The following CNTN5 variants were observed in gnomAD, a reference collection of about 807,000 sequenced individuals.
CNTN5 encodes the protein contactin-5.
In CNTN5, 77 loss-of-function variants were observed where a neutral mutation model predicts 129.1. The ratio of observed to expected loss-of-function variants is 0.60; its 90% CI spans 0.50 to 0.72. The LOEUF is 0.72. Among genes scored for constraint, CNTN5 ranks in the 30% least tolerant of loss-of-function variants. The pLI, the probability that CNTN5 is intolerant of heterozygous loss-of-function variation, is 0.00. For missense variants in CNTN5, 1,478 were observed against 1,328.8 expected, an observed-to-expected ratio of 1.11 and a Z score of -1.75; for synonymous variants, 509 against 465.6, an observed-to-expected ratio of 1.09 and a Z score of -1.20.
At position 100,304,049 on chromosome 11, in the gene CNTN5, T is replaced by A. The variant is rs555891656; in HGVS notation, c.2621-4310T>A. On this transcript the variant is annotated intron_variant, in intron 20 of 24. Transcript: ENST00000524871. ...TGGAAAGTCAGATGTATAATCAATA[T>A]TACAAGCACATACCCCCATATTACA... 2.0e-5 allele frequency among the ~76,000 whole-genome samples: 3 copies of A among 151,716 alleles called. No homozygotes were observed. In the South Asian group the frequency reaches 6.2e-4, roughly 31 times the overall value.
chr11:100,342,184 A>ACAC (rs1952179707), intron 23 of CNTN5, among the ~76,000 whole-genome samples: 1 of 77,578 alleles, frequency 1.3e-5, no homozygotes, highest in African/African-American at 6.6e-5. Flanking sequence ...CACACACACA[A>ACAC]GTCCATCAGT....
intron 3 of CNTN5, among the ~76,000 whole-genome samples, chr11:99,667,021 ATAAT>A (rs1952820386): frequency 6.6e-6 from 1 of 151,954 alleles, no homozygotes. Flanking sequence ...AATAATTAGA[ATAAT>A]TATTAGTATC....
At chr11:99,282,271 C>A in intron 1 of CNTN5, among the ~76,000 whole-genome samples, 1 of 151,890 alleles carries the variant, frequency 6.6e-6, no homozygotes, top group East Asian at 1.9e-4. Flanking sequence ...GGACAATAAG[C>A]TATTATGACA....
chr11:99,371,144 T>C (rs1939796241), intron 2 of CNTN5, among the ~76,000 whole-genome samples: 1 of 152,192 alleles, frequency 6.6e-6, no homozygotes, highest in African/African-American at 2.4e-5. Context: ...CACATATAGA[T>C]CCTTACCTAG....
intron 6 of CNTN5, among the ~76,000 whole-genome samples, chr11:99,871,595 T>C (rs180840418): frequency 5.3e-5 from 8 of 152,070 alleles, no homozygotes; most frequent in Non-Finnish European, 1.0e-4. Context: ...GTGATTTATA[T>C]ACATTTATGG....
At chr11:99,915,257 T>C (rs1949758212) in intron 6 of CNTN5, among the ~76,000 whole-genome samples, 1 of 152,108 alleles carries the variant, frequency 6.6e-6, no homozygotes, top group Admixed American at 6.6e-5. Flanking sequence ...AGTACTGAGA[T>C]ATAAATAGTT....
intron 3 of CNTN5, among the ~76,000 whole-genome samples, chr11:99,805,705 A>T (rs940141359): frequency 2.0e-5 from 3 of 152,218 alleles, no homozygotes. Context: ...TTGGCTAAAC[A>T]TGCTAGCAAG....
At chr11:99,320,858 G>T (rs896023862) in intron 1 of CNTN5, among the ~76,000 whole-genome samples, 3 of 152,088 alleles carry the variant, frequency 2.0e-5, no homozygotes, top group African/African-American at 7.2e-5. Flanking sequence ...AGTGTTTCTT[G>T]ATGAGGTGAA....
intron 8 of CNTN5, 75 bp from the exon 9 acceptor site, chr11:100,001,959 A>C: frequency 1.9e-6 from 2 of 1,047,210 alleles, no homozygotes; most frequent in Non-Finnish European, 2.8e-6. Context: ...AGTGATTTTC[A>C]ATGTAACATC....
chr11:100,040,685 C>T (rs757526265), intron 9 of CNTN5, among the ~76,000 whole-genome samples: 1 of 152,186 alleles, frequency 6.6e-6, no homozygotes, highest in Non-Finnish European at 1.5e-5. Context: ...GTGGGCGCCC[C>T]TCCCCCAGCC....
chr11:99,114,935 T>TG (rs1299067401), intron 1 of CNTN5, among the ~76,000 whole-genome samples: 2 of 152,184 alleles, frequency 1.3e-5, no homozygotes, highest in Admixed American at 1.3e-4. Flanking sequence ...GGAAGGTGAT[T>TG]GGACCATAAA....
intron 3 of CNTN5, among the ~76,000 whole-genome samples, chr11:99,701,933 G>A (rs1954539528): frequency 6.6e-6 from 1 of 150,864 alleles, no homozygotes; most frequent in South Asian, 2.1e-4. Context: ...TGATTCTACT[G>A]TGAAAAAGCA....
intron 2 of CNTN5, among the ~76,000 whole-genome samples, chr11:99,387,314 G>A (rs763752493): frequency 2.6e-5 from 4 of 152,056 alleles, no homozygotes; most frequent in African/African-American, 4.8e-5. Flanking sequence ...CAGTACATAC[G>A]TAGTCACACA....
Position 99,458,452 on chromosome 11 carries a change from C to T in CNTN5, c.-70-97693C>T, listed in dbSNP as rs182054424. ...AGACTCAAGATGTTGAGAGGTAATGCATTTCTTCTATAAAATATAAAAACA... is the reference window on the plus strand; with the variant it reads ...AGACTCAAGATGTTGAGAGGTAATGTATTTCTTCTATAAAATATAAAAACA... On this transcript the variant is annotated intron_variant, in intron 2 of 24. Coordinates refer to ENST00000524871, the MANE Select transcript of CNTN5 (RefSeq NM_014361.4). Among the ~76,000 whole-genome samples, 47 of 151,940 alleles carry T rather than the reference C, an allele frequency of 3.1e-4. 2 individuals are homozygous for T. Among genetic ancestry groups the T allele is most frequent in the African/African-American group, 1.0e-3 (43 of 41,478 alleles).
At chr11:100,179,444 G>A (rs1948071132) in intron 13 of CNTN5, among the ~76,000 whole-genome samples, 1 of 152,082 alleles carries the variant, frequency 6.6e-6, no homozygotes, top group Non-Finnish European at 1.5e-5. Context: ...CTACAGTACT[G>A]TAAGAGTACT....
At chr11:99,718,477 A>C (rs1419703946) in intron 3 of CNTN5, among the ~76,000 whole-genome samples, 1 of 152,272 alleles carries the variant, frequency 6.6e-6, no homozygotes. Context: ...TGGGAACCAA[A>C]TATAGACAAG....
chr11:99,364,859 G>A (rs902659743), intron 2 of CNTN5, among the ~76,000 whole-genome samples: 2 of 152,052 alleles, frequency 1.3e-5, no homozygotes, highest in Non-Finnish European at 2.9e-5. Context: ...CCTCCTAAAA[G>A]ATCCACAGGT....
chr11:99,119,255 A>T (rs1049002497), intron 1 of CNTN5, among the ~76,000 whole-genome samples: 1 of 152,110 alleles, frequency 6.6e-6, no homozygotes, highest in African/African-American at 2.4e-5. Flanking sequence ...TATTAAGCCT[A>T]ATATCTATTA....
intron 1 of CNTN5, among the ~76,000 whole-genome samples, chr11:99,208,386 T>A (rs1185578440): frequency 2.6e-5 from 4 of 152,120 alleles, no homozygotes; most frequent in Non-Finnish European, 5.9e-5. Context: ...TGCCCTGAGG[T>A]AAATATGGAC....
Sources: allele counts gnomAD v4.1 joint callset (sites outside exome capture counted in the v4.1 genomes callset), GRCh38; gene constraint gnomAD v4.1.1; transcripts MANE v1.5; gene names NCBI Gene and HGNC (gene_info 2026-07-23, HGNC 2026-07-21).